The following TMEM178B variants were observed in gnomAD, a reference collection of about 807,000 sequenced individuals.
TMEM178B encodes transmembrane protein 178B.
Under a neutral mutation model 31.0 loss-of-function variants are expected in TMEM178B, and 5 were observed. The ratio of observed to expected loss-of-function variants is 0.16; its 90% CI spans 0.08 to 0.34. TMEM178B has a LOEUF of 0.34. Among genes scored for constraint, TMEM178B ranks in the 10% least tolerant of loss-of-function variants. TMEM178B has a pLI of 1.00. For synonymous variants in TMEM178B, 164 were observed against 164.0 expected (o/e 1.00, Z 0.00); for missense variants, 275 against 400.3 (o/e 0.69, Z 2.67).
At chr7:141,321,828 A>C (rs1437166767) in intron 2 of TMEM178B, among the ~76,000 whole-genome samples, 2 of 147,788 alleles carry the variant, frequency 1.4e-5, no homozygotes, top group African/African-American at 4.9e-5. Context: ...TCCAACATTA[A>C]AAAAAAAAAA....
At chr7:141,122,276 G>A (rs1207205444) in intron 1 of TMEM178B, among the ~76,000 whole-genome samples, 5 of 152,136 alleles carry the variant, frequency 3.3e-5, no homozygotes, top group Non-Finnish European at 7.3e-5. Flanking sequence ...CCTTGAGGAG[G>A]GACTTCATAA....
intron 2 of TMEM178B, among the ~76,000 whole-genome samples, chr7:141,259,034 G>A (rs1797973196): frequency 6.6e-6 from 1 of 152,138 alleles, no homozygotes; most frequent in African/African-American, 2.4e-5. Flanking sequence ...TTGGCCACTA[G>A]TTCTTCAAAT....
At chr7:141,428,728 C>T (rs1039679172) in intron 2 of TMEM178B, among the ~76,000 whole-genome samples, 2 of 152,174 alleles carry the variant, frequency 1.3e-5, no homozygotes, top group Non-Finnish European at 1.5e-5. Flanking sequence ...TCTTAAGGGC[C>T]AAGCAGGGCA....
intron 2 of TMEM178B, among the ~76,000 whole-genome samples, chr7:141,379,304 T>TA (rs571004013): frequency 0.086 from 10,986 of 128,442 alleles, 455 homozygotes; most frequent in South Asian, 0.16. Context: ...CCTGTTTTTC[T>TA]AAAAAAAAAA....
At chr7:141,186,111 G>A (rs980012477) in intron 1 of TMEM178B, among the ~76,000 whole-genome samples, 1 of 152,144 alleles carries the variant, frequency 6.6e-6, no homozygotes, top group Non-Finnish European at 1.5e-5. Flanking sequence ...GTAGGGGTGT[G>A]TATGTGTTAG....
intron 2 of TMEM178B, among the ~76,000 whole-genome samples, chr7:141,254,084 C>T (rs903131528): frequency 1.3e-4 from 20 of 152,150 alleles, no homozygotes; most frequent in Non-Finnish European, 2.2e-4. Context: ...CTTGCCTGGA[C>T]TCTGATAGTA....
At chr7:141,503,306 T>C in the TMEM178B span, among the ~76,000 whole-genome samples, 1 of 152,242 alleles carries the variant, frequency 6.6e-6, no homozygotes, top group African/African-American at 2.4e-5. Flanking sequence ...ATAAGGCTTT[T>C]CAAGCAGAGA....
intron 2 of TMEM178B, among the ~76,000 whole-genome samples, chr7:141,384,207 A>G (rs1264813459): frequency 6.6e-6 from 1 of 152,086 alleles, no homozygotes; most frequent in African/African-American, 2.4e-5. Flanking sequence ...TGCTGTGCAG[A>G]AGCTCTTTAG....
intron 3 of TMEM178B, among the ~76,000 whole-genome samples, chr7:141,462,695 G>A (rs527700451): frequency 1.4e-4 from 21 of 152,176 alleles, no homozygotes; most frequent in Non-Finnish European, 2.6e-4. Context: ...CAATGTGAAT[G>A]TGAAGGAGAC....
chr7:141,296,059 A>G (rs1353650540), intron 2 of TMEM178B, among the ~76,000 whole-genome samples: 1 of 151,940 alleles, frequency 6.6e-6, no homozygotes, highest in African/African-American at 2.4e-5. Context: ...CACTGCAGCC[A>G]AAGGGGAAGC....
intron 1 of TMEM178B, among the ~76,000 whole-genome samples, chr7:141,095,198 C>T (rs1794937920): frequency 6.6e-6 from 1 of 152,134 alleles, no homozygotes; most frequent in African/African-American, 2.4e-5. Flanking sequence ...TGTGTATGTT[C>T]TGGAGACAAG....
rs1796350512 is a variant in TMEM178B at position 141,171,635 on chromosome 7, T to C, written c.383-40956T>C. 6.6e-6 allele frequency among the ~76,000 whole-genome samples: 1 copy of C among 152,268 alleles called. No individual in the cohort carries two copies. The highest frequency in any genetic ancestry group is 6.5e-5 in the Admixed American group (1 of 15,298). ...CCGCATGACACTGTCTTCTGAGTGA[T>C]GCATGCAAATTCCAGACAGAGGGGA... On this transcript the variant is annotated intron_variant, in intron 1 of 3. Coordinates refer to ENST00000565468, the MANE Select transcript of TMEM178B (RefSeq NM_001195278.2). This position sits in a 1 kb window ranked among gnomAD's most constrained non-coding sequence, Gnocchi z 4.3.
At chr7:141,100,343 G>A (rs563475860) in intron 1 of TMEM178B, among the ~76,000 whole-genome samples, 85 of 152,036 alleles carry the variant, frequency 5.6e-4, no homozygotes, top group South Asian at 1.5e-3. Flanking sequence ...TTGAGTGGTC[G>A]TTTTCTTCCT....
At chr7:141,311,796 C>T (rs895518392) in intron 2 of TMEM178B, among the ~76,000 whole-genome samples, 4 of 152,282 alleles carry the variant, frequency 2.6e-5, no homozygotes, top group African/African-American at 9.6e-5. Flanking sequence ...AAAGTTTGAG[C>T]AGTCATCTGA....
intron 2 of TMEM178B, among the ~76,000 whole-genome samples, chr7:141,398,985 A>T (rs886197982): frequency 1.3e-5 from 2 of 152,258 alleles, no homozygotes; most frequent in African/African-American, 4.8e-5. Context: ...CTCCCCAGTC[A>T]TCCCAATTAG....
chr7:141,233,938 G>C (rs1201514963), intron 2 of TMEM178B, among the ~76,000 whole-genome samples: 1 of 152,184 alleles, frequency 6.6e-6, no homozygotes, highest in Non-Finnish European at 1.5e-5. Flanking sequence ...TGCCATTTCA[G>C]ACTACTGATT....
At chr7:141,325,914 A>AT (rs1586893201) in intron 2 of TMEM178B, among the ~76,000 whole-genome samples, 1 of 152,162 alleles carries the variant, frequency 6.6e-6, no homozygotes, top group Non-Finnish European at 1.5e-5. Flanking sequence ...ATAACTGAGT[A>AT]TTTTTTCACC....
intron 1 of TMEM178B, among the ~76,000 whole-genome samples, chr7:141,128,516 G>A (rs1429424630): frequency 6.6e-6 from 1 of 151,600 alleles, no homozygotes; most frequent in Admixed American, 6.6e-5. Context: ...TATTTTGGCT[G>A]TAACATCAAT....
intron 3 of TMEM178B, among the ~76,000 whole-genome samples, chr7:141,447,010 C>T (rs749953693): frequency 5.3e-5 from 8 of 152,018 alleles, no homozygotes; most frequent in Non-Finnish European, 8.8e-5. Flanking sequence ...AATGTCTCTC[C>T]GACTGATCAC....
Sources: gnomAD v4.1 joint callset for allele counts (sites outside exome capture counted in the v4.1 genomes callset) on GRCh38, gnomAD v4.1.1 for gene constraint, Gnocchi (gnomAD v3.1) non-coding constraint, MANE v1.5 for transcripts, NCBI Gene and HGNC (gene_info 2026-07-23, HGNC 2026-07-21) for gene names.